The following RAP1GAP2 variants were observed in gnomAD, a reference collection of about 807,000 sequenced individuals.
The protein encoded by RAP1GAP2 is RAP1 GTPase activating protein 2.
A neutral mutation model predicts 95.0 loss-of-function variants in RAP1GAP2; 27 were observed. The ratio of observed to expected loss-of-function variants is 0.28; its 90% CI spans 0.21 to 0.39. The LOEUF is 0.39. Ranked by LOEUF, RAP1GAP2 falls within the 10% of genes least tolerant of loss-of-function variation. The pLI is 1.00. For synonymous variants in RAP1GAP2, 373 were observed against 380.9 expected (o/e 0.98, Z 0.24); for missense variants, 771 against 970.0 (o/e 0.79, Z 2.72).
At chr17:3,009,507 G>C (rs1333361109) in intron 17 of RAP1GAP2, among the ~76,000 whole-genome samples, 1 of 152,148 alleles carries the variant, frequency 6.6e-6, no homozygotes, top group South Asian at 2.1e-4. Flanking sequence ...ATCCAGGTCC[G>C]CCGGATTCCA....
In RAP1GAP2 at chr17:3,004,629, C is replaced by T. The variant is rs558159904; in HGVS notation, c.1201-740C>T. On this transcript the variant is annotated intron_variant, in intron 14 of 24. Coordinates refer to ENST00000254695, the MANE Select transcript of RAP1GAP2 (RefSeq NM_015085.5). The surrounding 1 kb of genome is among the most constrained non-coding windows in gnomAD (Gnocchi z 4.1). ...ACCTCGAGGCCGTCACTCTAAAGCT[C>T]AGTCTCACTCAGGGTGCCAGAGGTG... 2.0e-5 allele frequency among the ~76,000 whole-genome samples: 3 copies of T among 152,374 alleles called. No homozygotes were observed. Among genetic ancestry groups the T allele is most frequent in the Non-Finnish European group, 2.9e-5 (2 of 68,034 alleles).
rs377031830 is a variant in RAP1GAP2 at position 2,845,287 on chromosome 17, C to T, written c.80+44737C>T. Among the ~76,000 whole-genome samples the T allele has an allele frequency of 1.1e-3, 174 of 152,232 alleles. 2 individuals are homozygous for T. The South Asian group carries it at 0.034, about 30-fold the overall frequency. ...TCTCCAGAGTAGCTGGGATTACAGG[C>T]GCCCACCACCACGCCCAGCTAATTT... On this transcript the variant is annotated intron_variant, in intron 2 of 24. Coordinates refer to ENST00000254695, the MANE Select transcript of RAP1GAP2 (RefSeq NM_015085.5).
At chr17:2,811,406 G>C (rs1031801447) in intron 2 of RAP1GAP2, among the ~76,000 whole-genome samples, 1 of 152,182 alleles carries the variant, frequency 6.6e-6, no homozygotes, top group South Asian at 2.1e-4. Flanking sequence ...TGCTCTTGTC[G>C]TCTGTGACGT....
At chr17:2,833,401 T>G (rs1391745764) in intron 2 of RAP1GAP2, among the ~76,000 whole-genome samples, 5 of 152,042 alleles carry the variant, frequency 3.3e-5, no homozygotes, top group Non-Finnish European at 5.9e-5. Flanking sequence ...CCTCCCAAAG[T>G]GTTGGGATTA....
At chr17:2,957,088 A>C (rs1293400838) in intron 3 of RAP1GAP2, among the ~76,000 whole-genome samples, 4 of 150,700 alleles carry the variant, frequency 2.7e-5, no homozygotes, top group African/African-American at 9.8e-5. Flanking sequence ...AGATTGCGCC[A>C]CTGCACTCCA....
intron 2 of RAP1GAP2, among the ~76,000 whole-genome samples, chr17:2,771,554 C>T (rs536366820): frequency 7.0e-6 from 1 of 142,950 alleles, no homozygotes; most frequent in East Asian, 2.1e-4. Context: ...AGTGTAATGG[C>T]ACGATCTTGG....
intron 2 of RAP1GAP2, among the ~76,000 whole-genome samples, chr17:2,854,847 C>T (rs1481930475): frequency 6.6e-6 from 1 of 152,168 alleles, no homozygotes; most frequent in Non-Finnish European, 1.5e-5. Context: ...CCTCCCTGTT[C>T]TGCTAGGGTG....
chr17:2,831,546 G>C (rs2070854136), intron 2 of RAP1GAP2, among the ~76,000 whole-genome samples: 1 of 151,512 alleles, frequency 6.6e-6, no homozygotes, highest in Admixed American at 6.6e-5. Context: ...TAATTTTAGA[G>C]ACTGATGATT....
chr17:3,005,254 T>A lies in RAP1GAP2; in HGVS notation c.1201-115T>A. On this transcript the variant is annotated intron_variant, in intron 14 of 24. Transcript: ENST00000254695. The surrounding 1 kb of genome is among the most constrained non-coding windows in gnomAD (Gnocchi z 5.2). ...GATGCTCACAGGAGTATTTTGTTTG[T>A]GTTCTGGGAAGAGGAGGAGGGAGAA... 1 of 1,046,918 alleles carries A rather than the reference T, an allele frequency of 9.6e-7. No homozygotes were observed. The highest frequency in any genetic ancestry group is 1.7e-5 in the Admixed American group (1 of 58,938). The allele number at this position is 1,046,918 out of a possible 1,614,324, so 64.9% of individuals were successfully genotyped here.
intron 2 of RAP1GAP2, among the ~76,000 whole-genome samples, chr17:2,828,420 G>GGA (rs528985242): frequency 2.8e-5 from 4 of 145,248 alleles, no homozygotes; most frequent in Non-Finnish European, 6.1e-5. Flanking sequence ...AGTGAAAGTT[G>GGA]AAAAAAAAAA....
At chr17:2,761,731 C>T (rs1353014598) in intron 1 of RAP1GAP2, among the ~76,000 whole-genome samples, 1 of 152,086 alleles carries the variant, frequency 6.6e-6, no homozygotes, top group East Asian at 1.9e-4. Flanking sequence ...GTACAGGTCG[C>T]AGAATTTGTT....
At chr17:2,818,115 C>T (rs71362324) in intron 2 of RAP1GAP2, among the ~76,000 whole-genome samples, 5 of 151,864 alleles carry the variant, frequency 3.3e-5, no homozygotes, top group African/African-American at 7.3e-5. Flanking sequence ...GGATTACAGG[C>T]GTGAGCCACT....
At chr17:2,886,028 C>T (rs534072089) in intron 2 of RAP1GAP2, among the ~76,000 whole-genome samples, 1 of 152,138 alleles carries the variant, frequency 6.6e-6, no homozygotes, top group East Asian at 1.9e-4. Context: ...GTTGAGATGT[C>T]GCATGAGAAG....
At chr17:2,772,210 A>T (rs780770623), upstream of RAP1GAP2, among the ~76,000 whole-genome samples, 6 of 152,000 alleles carry the variant, frequency 3.9e-5, no homozygotes, top group Non-Finnish European at 7.4e-5. Context: ...CTGGTCTCGA[A>T]CTCCTGACCT....
At chr17:2,918,219 A>C (rs1281473161) in intron 3 of RAP1GAP2, among the ~76,000 whole-genome samples, 1 of 151,936 alleles carries the variant, frequency 6.6e-6, no homozygotes, top group African/African-American at 2.4e-5. Flanking sequence ...GCAGATCATG[A>C]GGTCAGGAGT....
upstream of RAP1GAP2, among the ~76,000 whole-genome samples, chr17:2,791,887 T>C (rs1380760781): frequency 7.2e-6 from 1 of 138,792 alleles, no homozygotes; most frequent in East Asian, 2.1e-4. Flanking sequence ...TGAGATGGAG[T>C]CTCACTCTGT....
Position 2,871,346 on chromosome 17 carries a change from G to C in RAP1GAP2, c.81-33938G>C, listed in dbSNP as rs1295348061. Among the ~76,000 whole-genome samples the C allele has an allele frequency of 6.6e-6, 1 of 152,208 alleles. No individual in the cohort carries two copies. Among genetic ancestry groups the C allele is most frequent in the Non-Finnish European group, 1.5e-5 (1 of 68,036 alleles). On this transcript the variant is annotated intron_variant, in intron 2 of 24. Transcript: ENST00000254695. This position sits in a 1 kb window ranked among gnomAD's most constrained non-coding sequence, Gnocchi z 5.0. ...CTGGTTAGATACATTCCAGGGAGGA[G>C]TTCTGATTGGCCTGGATTGTGTGTC... is the stretch of plus-strand genomic sequence containing the variant.
rs1597734323 is a variant in RAP1GAP2, at chr17:2,963,368, A to G, written c.247-62A>G. ...TATCCCCCTTGCAAGACCTGGAAAC[A>G]GTGGTCAGACTTTACGGGCACTGCC... On this transcript the variant is annotated intron_variant, in intron 5 of 24. Coordinates refer to ENST00000254695, the MANE Select transcript of RAP1GAP2 (RefSeq NM_015085.5). This position sits in a 1 kb window ranked among gnomAD's most constrained non-coding sequence, Gnocchi z 4.8. 36 of 1,585,664 alleles carry G rather than the reference A, an allele frequency of 2.3e-5. No homozygotes were observed. The East Asian group carries it at 8.2e-4, about 36-fold the overall frequency.
At chr17:2,882,236 C>T (rs8072253) in intron 2 of RAP1GAP2, among the ~76,000 whole-genome samples, 34,764 of 150,008 alleles carry the variant, frequency 0.23, 4,187 homozygotes, top group African/African-American at 0.28. Flanking sequence ...AAGCAATTCT[C>T]CTGCCTCAGC....
Sources: gnomAD v4.1 joint callset for allele counts (sites outside exome capture counted in the v4.1 genomes callset) on GRCh38, gnomAD v4.1.1 for gene constraint, Gnocchi (gnomAD v3.1) non-coding constraint, MANE v1.5 for transcripts, NCBI Gene and HGNC (gene_info 2026-07-23, HGNC 2026-07-21) for gene names.